The following NRG1 variants were observed in gnomAD, a reference collection of about 807,000 sequenced individuals.
NRG1 encodes pro-neuregulin-1, membrane-bound isoform.
Under a neutral mutation model 63.8 loss-of-function variants are expected in NRG1, and 18 were observed. The observed-to-expected ratio is 0.28, with a 90% confidence interval of 0.19 to 0.42. The LOEUF (loss-of-function observed/expected upper bound fraction) is 0.42. Among genes scored for constraint, NRG1 ranks in the 10% least tolerant of loss-of-function variants. The probability of loss-of-function intolerance (pLI) is 1.00; values close to 1 mark genes in which losing one functional copy is unlikely to be tolerated. For missense variants in NRG1, 762 were observed against 814.7 expected (o/e 0.94, Z 0.79); for synonymous variants, 302 against 301.3 (o/e 1.00, Z -0.02).
At position 32,078,131 on chromosome 8, in the gene NRG1, C is replaced by G. The variant is rs1826888930; in HGVS notation, c.37+438700C>G. Among the ~76,000 whole-genome samples the G allele has an allele frequency of 2.6e-5, 4 of 152,198 alleles. No individual in the cohort carries two copies. The South Asian group carries it at 8.3e-4, about 31-fold the overall frequency. On this transcript the variant is annotated intron_variant, in intron 1 of 10. Coordinates refer to the NRG1 transcript ENST00000519301. The stretch of plus-strand genomic sequence containing the variant: ...GTTTAGATATTTGTCCCCTCCAAAT[C>G]TCATGTTGAAATGCGACCTCCTCAT...
chr8:32,521,232 T>C (rs531397416), intron 1 of NRG1, among the ~76,000 whole-genome samples: 228 of 152,310 alleles, frequency 1.5e-3, no homozygotes, highest in Non-Finnish European at 2.8e-3. Context: ...CAAATGGATA[T>C]AGAATATCCT....
chr8:31,755,474 A>G (rs1046941897), intron 1 of NRG1, among the ~76,000 whole-genome samples: 1 of 152,036 alleles, frequency 6.6e-6, no homozygotes, highest in Non-Finnish European at 1.5e-5. Context: ...TTGTAATTCC[A>G]GCTGCTTTTG....
chr8:32,242,131 T>C (rs1254411433), intron 1 of NRG1, among the ~76,000 whole-genome samples: 6 of 152,094 alleles, frequency 3.9e-5, no homozygotes, highest in Admixed American at 2.0e-4. Context: ...TTTCCCCATA[T>C]GTAAAAAGAA....
At chr8:32,259,960 G>T (rs953967168) in intron 1 of NRG1, among the ~76,000 whole-genome samples, 2 of 151,900 alleles carry the variant, frequency 1.3e-5, no homozygotes, top group Non-Finnish European at 2.9e-5. Flanking sequence ...CTGGGACTTG[G>T]CTGTCAACCG....
At chr8:32,138,784 T>C (rs1431424668) in intron 1 of NRG1, among the ~76,000 whole-genome samples, 1 of 152,002 alleles carries the variant, frequency 6.6e-6, no homozygotes, top group Non-Finnish European at 1.5e-5. Flanking sequence ...GCCAGGCTGT[T>C]TTCAATGTTT....
intron 1 of NRG1, among the ~76,000 whole-genome samples, chr8:32,146,152 C>T (rs927363523): frequency 6.6e-6 from 1 of 152,178 alleles, no homozygotes; most frequent in Admixed American, 6.5e-5. Context: ...TGTTTTTTAC[C>T]GGCACATTTC....
chr8:31,905,718 ATTAAG>A (rs1249489406), intron 1 of NRG1, among the ~76,000 whole-genome samples: 1 of 142,430 alleles, frequency 7.0e-6, no homozygotes, highest in Non-Finnish European at 1.5e-5. Context: ...CAAGCATAAT[ATTAAG>A]TTAAGATGCT....
chr8:31,640,661 C>G lies in NRG1; in HGVS notation c.37+1230C>G. ...CGCGCGCCGGCCGCCTTCCGAGCCT[C>G]TTTCCCCCCTCTGGAGACGGGCCGG... On this transcript the variant is annotated intron_variant, in intron 1 of 10. Coordinates refer to the NRG1 transcript ENST00000519301. This position sits in a 1 kb window ranked among gnomAD's most constrained non-coding sequence, Gnocchi z 6.3. The G allele has an allele frequency of 6.2e-7, 1 of 1,608,720 alleles. No homozygotes were observed.
At chr8:32,316,537 G>T (rs1473536989) in intron 1 of NRG1, among the ~76,000 whole-genome samples, 1 of 151,186 alleles carries the variant, frequency 6.6e-6, no homozygotes, top group East Asian at 2.0e-4. Flanking sequence ...GTTCCTTGAA[G>T]TATACTTGTG....
chr8:31,805,726 T>G (rs970667048), intron 1 of NRG1, among the ~76,000 whole-genome samples: 4 of 148,732 alleles, frequency 2.7e-5, no homozygotes, highest in Non-Finnish European at 5.9e-5. Context: ...CACTCGGGAG[T>G]CTGAGGCAGG....
At chr8:31,885,281 A>G (rs1585499974) in intron 1 of NRG1, among the ~76,000 whole-genome samples, 1 of 152,268 alleles carries the variant, frequency 6.6e-6, no homozygotes, top group African/African-American at 2.4e-5. Context: ...AAATAACAGC[A>G]CAGTAAATGA....
chr8:32,178,054 G>A (rs527778635), intron 1 of NRG1, among the ~76,000 whole-genome samples: 23 of 152,188 alleles, frequency 1.5e-4, no homozygotes, highest in Admixed American at 1.3e-3. Flanking sequence ...AAGGCAAGGG[G>A]AGGGGGAAGC....
intron 1 of NRG1, among the ~76,000 whole-genome samples, chr8:31,970,245 T>C (rs1409363741): frequency 6.6e-6 from 1 of 152,136 alleles, no homozygotes; most frequent in African/African-American, 2.4e-5. Flanking sequence ...ATTACAACCA[T>C]TTTCAGGATA....
chr8:32,359,304 C>A (rs1337179923), intron 1 of NRG1, among the ~76,000 whole-genome samples: 1 of 152,130 alleles, frequency 6.6e-6, no homozygotes, highest in African/African-American at 2.4e-5. Flanking sequence ...AGAAAATAAT[C>A]ACATATGCAG....
intron 1 of NRG1, among the ~76,000 whole-genome samples, chr8:31,860,373 A>G (rs2129610357): frequency 1.3e-5 from 2 of 152,350 alleles, no homozygotes; most frequent in Middle Eastern, 3.4e-3. Context: ...TTTGTGCAGC[A>G]AAATAGTTCC....
chr8:31,985,340 T>C (rs1809878147), intron 1 of NRG1, among the ~76,000 whole-genome samples: 1 of 152,214 alleles, frequency 6.6e-6, no homozygotes. Context: ...TACAAAATTT[T>C]TAGGCAAAAT....
intron 1 of NRG1, among the ~76,000 whole-genome samples, chr8:32,064,037 A>G (rs1442780011): frequency 6.6e-6 from 1 of 151,990 alleles, no homozygotes; most frequent in Non-Finnish European, 1.5e-5. Context: ...GAGGGGAGCA[A>G]TTGGGCAGTT....
chr8:32,548,142 G>A (rs1319497654), upstream of NRG1: 20 of 880,386 alleles, frequency 2.3e-5, no homozygotes, highest in Non-Finnish European at 2.7e-5. Context: ...GGAGCGCCGA[G>A]CCCAGGCTCC....
intron 1 of NRG1, among the ~76,000 whole-genome samples, chr8:32,425,989 A>G (rs1817312163): frequency 6.6e-6 from 1 of 152,164 alleles, no homozygotes; most frequent in African/African-American, 2.4e-5. Flanking sequence ...GTCCAAGTAA[A>G]CAGGATTTGG....
Sources: allele counts gnomAD v4.1 joint callset (sites outside exome capture counted in the v4.1 genomes callset), GRCh38; gene constraint gnomAD v4.1.1; non-coding constraint Gnocchi (gnomAD v3.1); transcripts MANE v1.5; gene names NCBI Gene and HGNC (gene_info 2026-07-23, HGNC 2026-07-21).